FXR1: variants seen among roughly 807,000 people sequenced by gnomAD.
FXR1 encodes the protein RNA-binding protein FXR1.
Under a neutral mutation model 84.0 loss-of-function variants are expected in FXR1, and 15 were observed. That is an observed-to-expected ratio of 0.18 (90% CI 0.12 to 0.27). FXR1 has a LOEUF of 0.27. FXR1 is among the 10% of genes least tolerant of loss of function. The probability of loss-of-function intolerance (pLI) is 1.00; values close to 1 mark genes in which losing one functional copy is unlikely to be tolerated. For synonymous variants in FXR1, 245 were observed against 250.7 expected, an observed-to-expected ratio of 0.98 and a Z score of 0.21; for missense variants, 480 against 774.4, an observed-to-expected ratio of 0.62 and a Z score of 4.51.
At chr3:180,949,201 T>A in intron 6 of FXR1, 26 bp from the exon 7 acceptor site, 1 of 1,123,024 alleles carries the variant, frequency 8.9e-7, no homozygotes, top group Admixed American at 1.7e-5. Flanking sequence ...ATTAAAGTTT[T>A]GAGTAATTAG....
chr3:180,954,276 G>T (rs1425028502), intron 9 of FXR1, among the ~76,000 whole-genome samples: 1 of 152,152 alleles, frequency 6.6e-6, no homozygotes, highest in East Asian at 1.9e-4. Context: ...TAACAATAGG[G>T]TAATAAACTT....
intron 10 of FXR1, among the ~76,000 whole-genome samples, chr3:180,961,069 G>A (rs1298772647): frequency 1.3e-5 from 2 of 151,998 alleles, no homozygotes; most frequent in African/African-American, 2.4e-5. Flanking sequence ...AGTGGCTCAC[G>A]CCTGTAACCT....
rs368033136 is a variant in FXR1, at chr3:180,955,679, C to G, written c.880+1839C>G. Among the ~76,000 whole-genome samples the G allele has an allele frequency of 9.9e-5, 15 of 152,208 alleles. No individual in the cohort carries two copies. The South Asian group carries it at 2.5e-3, about 25-fold the overall frequency. The stretch of plus-strand genomic sequence containing the variant: ...TTCCTCACTTGTAAAAATGATTTGG[C>G]AGTGGGTTTGTGAAAGGGAACCAGG... On this transcript the variant is annotated intron_variant, in intron 9 of 16. Transcript: ENST00000357559.
chr3:180,947,730 C>T, intron 3 of FXR1, 135 bp from the exon 4 acceptor site: 1 of 453,456 alleles, frequency 2.2e-6, no homozygotes. Context: ...CTTTAAATTG[C>T]ATTTAATATG....
In FXR1 at chr3:180,951,414, A is replaced by G. The variant is rs1360773076; in HGVS notation, c.747A>G (p.Gly249=). Residue 249 remains glycine, a synonymous_variant, in exon 8 of 17, where the codon GGA becomes GGG. Transcript: ENST00000357559. The part of the protein sequence containing the change: ...SNIQQARKVP[G]VTAIELDEDT... ...TCCAGCAAGCTAGGAAGGTTCCTGG[A>G]GTTACCGCCATTGAGCTAGATGAAG... 6.2e-7 allele frequency: 1 copy of G among 1,613,108 alleles called. No individual in the cohort carries two copies. The highest frequency in any genetic ancestry group is 1.7e-5 in the Admixed American group (1 of 60,012).
At chr3:180,925,086 G>A (rs1719009036) in intron 1 of FXR1, among the ~76,000 whole-genome samples, 1 of 152,074 alleles carries the variant, frequency 6.6e-6, no homozygotes, top group Admixed American at 6.5e-5. Context: ...TCTCCTGGCC[G>A]GGCGCGATGG....
Position 180,948,167 on chromosome 3 carries a change from C to T in FXR1, c.271-180C>T, listed in dbSNP as rs1251325272. 9.7e-6 allele frequency: 6 copies of T among 620,644 alleles called. No individual in the cohort carries two copies. In the East Asian group the frequency reaches 1.1e-4, roughly 11 times the overall value. 38.4% of individuals were successfully genotyped at this position (620,644 alleles called of 1,614,324 possible). On this transcript the variant is annotated intron_variant, in intron 4 of 16. Transcript: ENST00000357559. ...CATGTAAGGACCGCCAAGGTTCATG[C>T]TTGTAAGAACCTATAATCTAGTTTA...
intron 9 of FXR1, among the ~76,000 whole-genome samples, chr3:180,955,032 A>AGAG (rs1307171531): frequency 6.9e-6 from 1 of 143,920 alleles, no homozygotes; most frequent in Non-Finnish European, 1.5e-5. Context: ...TTTGTCACTC[A>AGAG]GGCTGGAGTG....
At chr3:180,964,570 A>T (rs1350476770) in intron 13 of FXR1, among the ~76,000 whole-genome samples, 1 of 151,918 alleles carries the variant, frequency 6.6e-6, no homozygotes, top group East Asian at 1.9e-4. Flanking sequence ...TATTTCTTGA[A>T]ATAGTTACTG....
intron 3 of FXR1, among the ~76,000 whole-genome samples, chr3:180,935,522 A>G (rs1417084689): frequency 2.0e-5 from 3 of 152,230 alleles, no homozygotes; most frequent in African/African-American, 4.8e-5. Flanking sequence ...GCTATGCACT[A>G]TGGTGTTACC....
chr3:180,961,210 C>T (rs1359791757), intron 10 of FXR1, among the ~76,000 whole-genome samples: 3 of 151,828 alleles, frequency 2.0e-5, no homozygotes, highest in Non-Finnish European at 2.9e-5. Context: ...TGTGGTGACA[C>T]GCATCTATAG....
chr3:180,947,812 A>G (rs1388929768), intron 3 of FXR1, 53 bp from the exon 4 acceptor site: 3 of 905,844 alleles, frequency 3.3e-6, no homozygotes, highest in Non-Finnish European at 5.2e-6. Flanking sequence ...AGTCATTTAC[A>G]GCATTGAAAT....
At chr3:180,931,379 TGGC>T (rs2108440997) in intron 1 of FXR1, among the ~76,000 whole-genome samples, 1 of 152,052 alleles carries the variant, frequency 6.6e-6, no homozygotes, top group African/African-American at 2.4e-5. Flanking sequence ...CTACCACATC[TGGC>T]TAATTTTTGC....
At chr3:180,932,092 AACTTTTTTGTTG>A (rs1275559934) in intron 1 of FXR1, among the ~76,000 whole-genome samples, 1 of 150,566 alleles carries the variant, frequency 6.6e-6, no homozygotes, top group Non-Finnish European at 1.5e-5. Flanking sequence ...AAAAAAAAAC[AACTTTTTTGTTG>A]TTGTAAGTTG....
chr3:180,948,314 A>C (rs376006006), intron 4 of FXR1, 33 bp from the exon 5 acceptor site: 15 of 1,495,026 alleles, frequency 1.0e-5, no homozygotes, highest in Non-Finnish European at 1.3e-5. Flanking sequence ...TTTTGTTCAG[A>C]TGGGATTTTT....
intron 3 of FXR1, among the ~76,000 whole-genome samples, chr3:180,938,947 G>C (rs767626719): frequency 4.0e-5 from 6 of 151,802 alleles, no homozygotes; most frequent in Non-Finnish European, 7.4e-5. Flanking sequence ...TCAGGTTGGA[G>C]TACAGTGGCA....
intron 3 of FXR1, among the ~76,000 whole-genome samples, chr3:180,945,638 G>A (rs910556020): frequency 6.6e-6 from 1 of 152,182 alleles, no homozygotes; most frequent in Non-Finnish European, 1.5e-5. Flanking sequence ...GAACTCCTGA[G>A]CTCTCAAGCA....
chr3:180,970,416 AT>A (rs1299609340), intron 15 of FXR1, 58 bp downstream of exon 15: 19 of 287,358 alleles, frequency 6.6e-5, no homozygotes, highest in South Asian at 1.9e-4. Context: ...ATATATATAT[AT>A]ATATAATTGT....
At chr3:180,918,293 T>G (rs1718146165) in intron 1 of FXR1, among the ~76,000 whole-genome samples, 1 of 152,132 alleles carries the variant, frequency 6.6e-6, no homozygotes, top group Admixed American at 6.6e-5. Flanking sequence ...TGAGGTTGGT[T>G]TTATTTTTTT....
Sources: gnomAD v4.1 joint callset for allele counts (sites outside exome capture counted in the v4.1 genomes callset) on GRCh38, gnomAD v4.1.1 for gene constraint, MANE v1.5 for transcripts, NCBI Gene and HGNC (gene_info 2026-07-23, HGNC 2026-07-21) for gene names.